Variants in SLC35F4 observed in about 807,000 individuals in gnomAD.
SLC35F4 encodes chromosome 14 open reading frame 36.
Under a neutral mutation model 44.2 loss-of-function variants are expected in SLC35F4, and 24 were observed. That is an observed-to-expected ratio of 0.54 (90% CI 0.39 to 0.76). SLC35F4 has a LOEUF of 0.76. Ranked by LOEUF, SLC35F4 falls within the 30% of genes least tolerant of loss-of-function variation. The pLI is 0.00. For synonymous variants in SLC35F4, 238 were observed against 223.6 expected (o/e 1.06, Z -0.57); for missense variants, 562 against 586.1 (o/e 0.96, Z 0.42).
At chr14:57,681,377 T>C (rs8008484) in intron 1 of SLC35F4, among the ~76,000 whole-genome samples, 22,401 of 152,086 alleles carry the variant, frequency 0.15, 1,894 homozygotes, top group East Asian at 0.29. Flanking sequence ...TAACTCTAGA[T>C]GGATTAAAGA....
chr14:57,914,149 T>G (rs891756340), intron 1 of SLC35F4, among the ~76,000 whole-genome samples: 2 of 152,174 alleles, frequency 1.3e-5, no homozygotes, highest in Non-Finnish European at 2.9e-5. Flanking sequence ...TTCTCACAAT[T>G]CTGGAGACTG....
intron 1 of SLC35F4, among the ~76,000 whole-genome samples, chr14:57,674,975 G>T (rs1302591719): frequency 6.6e-6 from 1 of 152,112 alleles, no homozygotes; most frequent in Non-Finnish European, 1.5e-5. Context: ...CTGGAACAAA[G>T]GCTGTAAGTG....
chr14:57,740,895 C>G (rs539493919), intron 1 of SLC35F4, among the ~76,000 whole-genome samples: 153 of 152,320 alleles, frequency 1.0e-3, no homozygotes, highest in African/African-American at 3.4e-3. Context: ...CCGACTGACA[C>G]CTCACACGGC....
intron 1 of SLC35F4, among the ~76,000 whole-genome samples, chr14:57,609,149 G>A (rs1165887489): frequency 6.6e-6 from 1 of 152,170 alleles, no homozygotes; most frequent in African/African-American, 2.4e-5. Flanking sequence ...TATGCAGATG[G>A]ATGCATGGAT....
In SLC35F4 at chr14:57,566,580, G is replaced by C; in HGVS notation, c.1127-16C>G. 6.3e-7 allele frequency: 1 copy of C among 1,579,748 alleles called. No individual in the cohort carries two copies. The highest frequency in any genetic ancestry group is 2.3e-5 in the East Asian group (1 of 43,488). ...ATGTTGAAGGCTGTAAAATAGAGGA[G>C]GAAATGCAAGATGAAAGAGAAATAA... is the stretch of plus-strand genomic sequence containing the variant. On this transcript the variant is annotated splice_polypyrimidine_tract_variant and intron_variant, in intron 6 of 7. Coordinates refer to ENST00000556826, the MANE Select transcript of SLC35F4 (RefSeq NM_001306087.2).
At chr14:57,704,641 T>C (rs1335340269) in intron 1 of SLC35F4, among the ~76,000 whole-genome samples, 1 of 152,064 alleles carries the variant, frequency 6.6e-6, no homozygotes, top group Non-Finnish European at 1.5e-5. Flanking sequence ...AGGAGAAAGA[T>C]GCATGAGAAG....
chr14:57,829,660 G>C (rs764446452), intron 1 of SLC35F4, among the ~76,000 whole-genome samples: 11 of 152,178 alleles, frequency 7.2e-5, no homozygotes, highest in African/African-American at 1.9e-4. Flanking sequence ...AGGCCAAGAA[G>C]AATGAAGGTG....
chr14:57,745,976 C>T (rs200299123), intron 1 of SLC35F4, among the ~76,000 whole-genome samples: 7 of 151,874 alleles, frequency 4.6e-5, no homozygotes, highest in East Asian at 1.9e-4. Context: ...AGCAAACTAT[C>T]GCAAGGACAA....
chr14:57,959,268 T>C (rs958078155), intron 1 of SLC35F4, among the ~76,000 whole-genome samples: 2 of 152,234 alleles, frequency 1.3e-5, no homozygotes, highest in Non-Finnish European at 2.9e-5. Flanking sequence ...CCTTCTATTA[T>C]GGCTTCTCAC....
intron 1 of SLC35F4, among the ~76,000 whole-genome samples, chr14:57,684,876 C>T (rs888147759): frequency 2.0e-5 from 3 of 152,088 alleles, no homozygotes; most frequent in Admixed American, 6.6e-5. Context: ...AGAGGGATAG[C>T]GTTGGTAGGT....
At chr14:57,841,634 C>G (rs1885488275) in intron 1 of SLC35F4, among the ~76,000 whole-genome samples, 1 of 152,120 alleles carries the variant, frequency 6.6e-6, no homozygotes, top group African/African-American at 2.4e-5. Context: ...TTCCAGTGCC[C>G]TAAAGGTAGA....
At chr14:57,944,181 C>T (rs1177240870) in intron 1 of SLC35F4, among the ~76,000 whole-genome samples, 1 of 152,190 alleles carries the variant, frequency 6.6e-6, no homozygotes, top group Non-Finnish European at 1.5e-5. Context: ...CGTCAAGTAC[C>T]AGGCTGACCA....
At chr14:57,891,790 C>T (rs751948450) in intron 1 of SLC35F4, among the ~76,000 whole-genome samples, 7 of 152,238 alleles carry the variant, frequency 4.6e-5, no homozygotes, top group Admixed American at 1.3e-4. Flanking sequence ...AAAAGAGAAT[C>T]TCTTGAACCC....
intron 1 of SLC35F4, among the ~76,000 whole-genome samples, chr14:57,752,791 G>A (rs1185609043): frequency 1.3e-5 from 2 of 152,102 alleles, no homozygotes; most frequent in Non-Finnish European, 2.9e-5. Flanking sequence ...GAGCCAAAAT[G>A]GTCTTCACCC....
chr14:57,592,760 C>T (rs2070270345), intron 2 of SLC35F4, among the ~76,000 whole-genome samples: 1 of 152,190 alleles, frequency 6.6e-6, no homozygotes, highest in Non-Finnish European at 1.5e-5. Context: ...CTCTCTTCCT[C>T]TGTTTACCCT....
chr14:57,725,637 T>G (rs1387488975), intron 1 of SLC35F4, among the ~76,000 whole-genome samples: 1 of 152,198 alleles, frequency 6.6e-6, no homozygotes, highest in East Asian at 1.9e-4. Flanking sequence ...TCACTGGTCT[T>G]ATCATGTTGC....
chr14:57,621,013 T>TAC (rs1019511437), intron 1 of SLC35F4, among the ~76,000 whole-genome samples: 1 of 151,454 alleles, frequency 6.6e-6, no homozygotes, highest in African/African-American at 2.4e-5. Context: ...AGCATTCTTA[T>TAC]ACACCAATAA....
intron 1 of SLC35F4, among the ~76,000 whole-genome samples, chr14:57,909,019 A>G (rs957037458): frequency 6.6e-6 from 1 of 152,184 alleles, no homozygotes; most frequent in Non-Finnish European, 1.5e-5. Context: ...CAGTTTTCTG[A>G]GCACCATTTA....
intron 1 of SLC35F4, among the ~76,000 whole-genome samples, chr14:57,609,237 A>C (rs536583811): frequency 4.6e-5 from 7 of 152,318 alleles, no homozygotes; most frequent in African/African-American, 1.4e-4. Flanking sequence ...TATTAGAAAA[A>C]AATGATCTTT....
Sources: allele counts gnomAD v4.1 joint callset (sites outside exome capture counted in the v4.1 genomes callset), GRCh38; gene constraint gnomAD v4.1.1; transcripts MANE v1.5; gene names NCBI Gene and HGNC (gene_info 2026-07-23, HGNC 2026-07-21).